CCDC7: variants seen among roughly 807,000 people sequenced by gnomAD.
The protein encoded by CCDC7 is coiled-coil domain-containing protein 7.
CCDC7 carries 183 observed loss-of-function variants against 196.9 expected under a neutral mutation model. That is an observed-to-expected ratio of 0.93 (90% CI 0.82 to 1.05). CCDC7 has a LOEUF of 1.05. Ranked by LOEUF, CCDC7 falls within the 50% of genes least tolerant of loss-of-function variation. The pLI is 0.00. For synonymous variants in CCDC7, 525 were observed against 484.6 expected (o/e 1.08, Z -1.10); for missense variants, 1,540 against 1,482.2 (o/e 1.04, Z -0.64).
At chr10:32,487,200 T>C (rs1019491271) in intron 8 of CCDC7, among the ~76,000 whole-genome samples, 3 of 152,198 alleles carry the variant, frequency 2.0e-5, no homozygotes, top group Non-Finnish European at 2.9e-5. Flanking sequence ...TATTCTTTTT[T>C]CTCTAAACTT....
chr10:32,873,750 T>C (rs570634744), intron 41 of CCDC7, among the ~76,000 whole-genome samples: 4 of 152,082 alleles, frequency 2.6e-5, no homozygotes, highest in African/African-American at 9.6e-5. Context: ...TACCTATTAG[T>C]GGAATTGCCG....
chr10:32,463,771 A>T (rs1056196544), intron 5 of CCDC7, among the ~76,000 whole-genome samples: 1 of 152,204 alleles, frequency 6.6e-6, no homozygotes, highest in Non-Finnish European at 1.5e-5. Flanking sequence ...ATGAACTGTG[A>T]CTATATCCTA....
chr10:32,530,218 T>G (rs2049411969), intron 11 of CCDC7, among the ~76,000 whole-genome samples: 2 of 152,184 alleles, frequency 1.3e-5, no homozygotes, highest in Admixed American at 1.3e-4. Flanking sequence ...GCTTCCAGAT[T>G]TCTTCTTTTT....
intron 31 of CCDC7, among the ~76,000 whole-genome samples, chr10:32,823,644 A>G (rs899162293): frequency 6.6e-6 from 1 of 152,186 alleles, no homozygotes; most frequent in Non-Finnish European, 1.5e-5. Context: ...GCTAAAACCA[A>G]CTTTGACACA....
chr10:32,637,783 T>G (rs1301592226), intron 20 of CCDC7, among the ~76,000 whole-genome samples: 2 of 152,198 alleles, frequency 1.3e-5, no homozygotes, highest in East Asian at 1.9e-4. Flanking sequence ...ATTGGTAGCT[T>G]GATGGGGATG....
At chr10:32,694,465 G>A (rs569644828) in intron 23 of CCDC7, among the ~76,000 whole-genome samples, 3 of 152,156 alleles carry the variant, frequency 2.0e-5, no homozygotes, top group African/African-American at 4.8e-5. Context: ...ATGACATTAC[G>A]TGAGGACTTA....
intron 13 of CCDC7, among the ~76,000 whole-genome samples, chr10:32,563,922 A>G (rs1284413220): frequency 6.6e-6 from 1 of 152,208 alleles, no homozygotes; most frequent in East Asian, 1.9e-4. Flanking sequence ...GCTAATATCC[A>G]GAATCTACAA....
chr10:32,530,944 T>G (rs2049551582), intron 11 of CCDC7, among the ~76,000 whole-genome samples: 1 of 152,182 alleles, frequency 6.6e-6, no homozygotes. Flanking sequence ...CTATACCTAT[T>G]TTGATGAGGG....
At position 32,583,077 on chromosome 10, in the gene CCDC7, C is replaced by T. The variant is rs1231925418; in HGVS notation, c.1498C>T (p.Gln500Ter). The T allele has an allele frequency of 8.1e-7, 1 of 1,231,190 alleles. No homozygotes were observed. The highest frequency in any genetic ancestry group is 1.0e-6 in the Non-Finnish European group (1 of 987,390). 76.3% of individuals were successfully genotyped at this position (1,231,190 alleles called of 1,614,324 possible). Residue 500 changes from glutamine (Q) to a stop codon, truncating the protein, a stop_gained, in exon 17 of 42, where the codon CAG (glutamine) becomes TAG (stop). Transcript: ENST00000639629. LOFTEE classifies it high-confidence loss of function. ...TAGCCCTGCTATTTCAGATCTTTCACAGATCCTTAAGTCTCAAGATGAATC... is the reference window on the plus strand; with the variant it reads ...TAGCCCTGCTATTTCAGATCTTTCATAGATCCTTAAGTCTCAAGATGAATC...
chr10:32,587,971 A>G (rs751589069), intron 18 of CCDC7, among the ~76,000 whole-genome samples: 10 of 152,210 alleles, frequency 6.6e-5, no homozygotes, highest in Admixed American at 4.6e-4. Context: ...TGATTAGGTC[A>G]TGGAGGCCTT....
At chr10:32,819,596 C>T (rs1046653550) in intron 31 of CCDC7, among the ~76,000 whole-genome samples, 3 of 152,154 alleles carry the variant, frequency 2.0e-5, no homozygotes, top group Non-Finnish European at 2.9e-5. Flanking sequence ...AATCCAGCAG[C>T]ACATCAAAAA....
intron 28 of CCDC7, among the ~76,000 whole-genome samples, chr10:32,733,423 A>C (rs1347418098): frequency 6.6e-6 from 1 of 152,074 alleles, no homozygotes; most frequent in Non-Finnish European, 1.5e-5. Context: ...AGATTTTTTT[A>C]ATTGAGGATA....
At chr10:32,696,296 C>G (rs754762117) in intron 24 of CCDC7, among the ~76,000 whole-genome samples, 1 of 151,916 alleles carries the variant, frequency 6.6e-6, no homozygotes, top group Non-Finnish European at 1.5e-5. Context: ...AACCAGAGAA[C>G]CTTATCTATT....
At chr10:32,665,582 G>C (rs2072490239) in intron 21 of CCDC7, among the ~76,000 whole-genome samples, 1 of 152,138 alleles carries the variant, frequency 6.6e-6, no homozygotes. Flanking sequence ...CTACATGTCT[G>C]TTTTTGTACC....
chr10:32,686,102 A>G (rs1264843467), intron 22 of CCDC7, 22 bp downstream of exon 23: 2 of 1,143,918 alleles, frequency 1.7e-6, no homozygotes, highest in African/African-American at 1.5e-5. Context: ...AATTACACAT[A>G]ACTTTACATT....
At chr10:32,637,612 A>G (rs1270034867) in intron 20 of CCDC7, among the ~76,000 whole-genome samples, 1 of 152,156 alleles carries the variant, frequency 6.6e-6, no homozygotes, top group Non-Finnish European at 1.5e-5. Context: ...TACCGGTACC[A>G]TGCTCTTTTG....
intron 17 of CCDC7, 44 bp from the exon 19 acceptor site, chr10:32,584,188 A>G: frequency 9.7e-7 from 1 of 1,029,434 alleles, no homozygotes; most frequent in Non-Finnish European, 1.4e-6. Flanking sequence ...ATATATATAT[A>G]TGTATATAAT....
Position 32,851,680 on chromosome 10 carries a change from T to G in CCDC7, c.3896-127T>G, listed in dbSNP as rs565194626. The G allele has an allele frequency of 4.3e-6, 4 of 924,780 alleles. 1 individual carries two copies. In the South Asian group the frequency reaches 7.4e-5, roughly 17 times the overall value. The allele number at this position is 924,780 out of a possible 1,614,324, so 57.3% of individuals were successfully genotyped here. ...TGTTGCAGTCTATGTATCCTTTCAGTTTTTTTAAATGTTTGCTTTATATAT... is the reference window on the plus strand; with the variant it reads ...TGTTGCAGTCTATGTATCCTTTCAGGTTTTTTAAATGTTTGCTTTATATAT... On this transcript the variant is annotated intron_variant, in intron 39 of 41. Transcript: ENST00000639629.
intron 18 of CCDC7, among the ~76,000 whole-genome samples, chr10:32,615,895 C>T (rs1421093815): frequency 6.6e-6 from 1 of 152,042 alleles, no homozygotes; most frequent in African/African-American, 2.4e-5. Flanking sequence ...ATATAACAAT[C>T]CAATTTTCCC....
Sources: allele counts gnomAD v4.1 joint callset (sites outside exome capture counted in the v4.1 genomes callset), GRCh38; gene constraint gnomAD v4.1.1; transcripts MANE v1.5; gene names NCBI Gene and HGNC (gene_info 2026-07-23, HGNC 2026-07-21).